GABPA: variants seen among roughly 807,000 people sequenced by gnomAD.
GABPA encodes the protein GA-binding protein alpha chain.
GABPA carries 4 observed loss-of-function variants against 59.4 expected under a neutral mutation model. That is an observed-to-expected ratio of 0.07 (90% confidence interval 0.03 to 0.15). The LOEUF is 0.15. Ranked by LOEUF, GABPA falls within the 10% of genes least tolerant of loss-of-function variation. GABPA has a pLI of 1.00. For missense variants in GABPA, 251 were observed against 543.8 expected (o/e 0.46, Z 5.36); for synonymous variants, 164 against 183.1 (o/e 0.90, Z 0.84).
rs1433842105 is a variant in GABPA at position 25,771,646 on chromosome 21, C to G, written c.*2414C>G. 1 of 147,294 alleles carries G rather than the reference C, an allele frequency of 6.8e-6. No individual in the cohort carries two copies. The highest frequency in any genetic ancestry group is 1.5e-5 in the Non-Finnish European group (1 of 67,778). The allele number at this position is 147,294 out of a possible 1,614,324, so 9.1% of individuals were successfully genotyped here. A position where few individuals can be genotyped will look rare whatever the true frequency, so the allele number is the denominator to read the frequency against. On this transcript the variant is annotated 3_prime_UTR_variant, in exon 10 of 10. Coordinates refer to ENST00000400075, the MANE Select transcript of GABPA (RefSeq NM_002040.4). The stretch of plus-strand genomic sequence containing the variant: ...AAAATAAAATTTATGCTATTCTTTG[C>G]TTTGTTTTTATAAATGAATTTTTCA...
At chr21:25,754,332 A>G (rs572044425) in intron 5 of GABPA, among the ~76,000 whole-genome samples, 10 of 152,270 alleles carry the variant, frequency 6.6e-5, no homozygotes, top group Non-Finnish European at 1.3e-4. Context: ...TGTAGCCTTC[A>G]GTTCTGGATG....
chr21:25,764,469 A>T, intron 8 of GABPA, 119 bp downstream of exon 8: 1 of 1,424,342 alleles, frequency 7.0e-7, no homozygotes, highest in Non-Finnish European at 9.6e-7. Flanking sequence ...TTTAGACAGC[A>T]TTTCTAGAAA....
In GABPA at chr21:25,736,594, GAAGT is replaced by G. The variant is rs576624972; in HGVS notation, c.-27+1019_-27+1022del. The stretch of plus-strand genomic sequence containing the variant: ...TCTGTCATGAGGCATGTATAGTAAT[GAAGT>G]AATTAAATCATGAGCTAGATGTTAG... On this transcript the variant is annotated intron_variant, in intron 1 of 9. Transcript: ENST00000400075. Among the ~76,000 whole-genome samples the G allele has an allele frequency of 2.6e-3, 401 of 152,296 alleles. 1 individual carries two copies. Among genetic ancestry groups the G allele is most frequent in the African/African-American group, 9.0e-3 (375 of 41,558 alleles).
intron 5 of GABPA, among the ~76,000 whole-genome samples, chr21:25,755,527 AG>A (rs1394337796): frequency 3.3e-5 from 5 of 151,698 alleles, no homozygotes; most frequent in Non-Finnish European, 7.4e-5. Context: ...AGTAGAAGAT[AG>A]GGGTGAGCAT....
Position 25,765,907 on chromosome 21 carries a change from TAAGTTTTTCATAG to T in GABPA, c.1136+1123_1136+1135del, listed in dbSNP as rs2035879606. On this transcript the variant is annotated intron_variant, in intron 9 of 9. Transcript: ENST00000400075. ...CTTAGTTTAATTTGAAAAATCAAACTAAGTTTTTCATAGAACTTGAGAAGATAATTGTAAAATT... is the reference window on the plus strand; with the variant it reads ...CTTAGTTTAATTTGAAAAATCAAACTAACTTGAGAAGATAATTGTAAAATT... 2.0e-5 allele frequency among the ~76,000 whole-genome samples: 3 copies of T among 151,996 alleles called. No homozygotes were observed. In the South Asian group the frequency reaches 6.2e-4, roughly 31 times the overall value.
In GABPA at chr21:25,750,423, C is replaced by T. The variant is rs553746589; in HGVS notation, c.307+1303C>T. 4.6e-4 allele frequency among the ~76,000 whole-genome samples: 70 copies of T among 152,262 alleles called. No individual in the cohort carries two copies. The South Asian group carries it at 8.9e-3, about 19-fold the overall frequency. On this transcript the variant is annotated intron_variant, in intron 4 of 9. Coordinates refer to ENST00000400075, the MANE Select transcript of GABPA (RefSeq NM_002040.4). ...ACCAGTGATTCTAAAGCATTGGTCACGCCTGGAACCCTAGCTGCAAAGAAA... is the reference window on the plus strand; with the variant it reads ...ACCAGTGATTCTAAAGCATTGGTCATGCCTGGAACCCTAGCTGCAAAGAAA...
At chr21:25,758,608 G>A (rs191921590) in intron 6 of GABPA, among the ~76,000 whole-genome samples, 5 of 152,200 alleles carry the variant, frequency 3.3e-5, no homozygotes, top group African/African-American at 9.6e-5. Context: ...ATCTAGAAAC[G>A]GAAGAGATCA....
At position 25,755,896 on chromosome 21, in the gene GABPA, T is replaced by C. The variant is rs573439092; in HGVS notation, c.554-2114T>C. On this transcript the variant is annotated intron_variant, in intron 5 of 9. Transcript: ENST00000400075. ...GGGGGTTCTGCAGGCAGGAATTCTC[T>C]CACTTCTTACTGGCATCCTCCTTGG... 2.0e-5 allele frequency among the ~76,000 whole-genome samples: 3 copies of C among 152,324 alleles called. No homozygotes were observed. The South Asian group carries it at 6.2e-4, about 32-fold the overall frequency.
rs866420357 is a variant in GABPA, at chr21:25,764,754, C to T, written c.1103C>T (p.Thr368Met). 6 of 1,602,334 alleles carry T rather than the reference C, an allele frequency of 3.7e-6. No homozygotes were observed. In the African/African-American group the frequency reaches 4.0e-5, roughly 11 times the overall value. The change falls in exon 9 of 10, where the codon ACG (threonine) becomes ATG (methionine). Residue 368 changes from threonine to methionine, a missense_variant. Physicochemically the swap from Thr to Met is moderately conservative, Grantham distance 81. Coordinates refer to ENST00000400075, the MANE Select transcript of GABPA (RefSeq NM_002040.4). ...QKWGQRKNKP[T>M]MNYEKLSRAL... Reference sequence around the variant, plus strand: ...TGGGGACAGCGTAAAAATAAGCCTACGATGAACTATGAGAAACTCAGTCGT... The same window carrying T: ...TGGGGACAGCGTAAAAATAAGCCTATGATGAACTATGAGAAACTCAGTCGT...
intron 5 of GABPA, among the ~76,000 whole-genome samples, chr21:25,753,992 G>A (rs2035574979): frequency 6.6e-6 from 1 of 152,034 alleles, no homozygotes; most frequent in Non-Finnish European, 1.5e-5. Context: ...CTGAAAGAGA[G>A]CTATGGAACC....
intron 9 of GABPA, among the ~76,000 whole-genome samples, chr21:25,765,204 A>C (rs1039495452): frequency 1.3e-5 from 2 of 152,068 alleles, no homozygotes; most frequent in African/African-American, 4.8e-5. Flanking sequence ...ACATTGATAC[A>C]AACTCTCCGT....
At chr21:25,760,237 G>GT (rs781094006) in intron 6 of GABPA, among the ~76,000 whole-genome samples, 2 of 152,200 alleles carry the variant, frequency 1.3e-5, no homozygotes, top group Non-Finnish European at 2.9e-5. Context: ...AGGATGATGT[G>GT]TAAGGGTATT....
chr21:25,768,507 G>A (rs2035944492), intron 9 of GABPA, among the ~76,000 whole-genome samples: 1 of 151,950 alleles, frequency 6.6e-6, no homozygotes, highest in Admixed American at 6.6e-5. Context: ...GCCAGTCATT[G>A]TATACTAAGC....
chr21:25,753,547 G>A (rs2035563939), intron 5 of GABPA, among the ~76,000 whole-genome samples: 2 of 152,182 alleles, frequency 1.3e-5, no homozygotes, highest in Admixed American at 6.5e-5. Flanking sequence ...TGAGGGGAGA[G>A]TTTGGATGGT....
chr21:25,741,552 C>A, intron 1 of GABPA, 21 bp from the exon 2 acceptor site: 1 of 1,333,060 alleles, frequency 7.5e-7, no homozygotes, highest in Non-Finnish European at 1.1e-6. Context: ...TTTAAAATAT[C>A]TTAAAAAGTC....
chr21:25,738,249 G>A (rs1415003923), intron 1 of GABPA, among the ~76,000 whole-genome samples: 1 of 152,146 alleles, frequency 6.6e-6, no homozygotes, highest in African/African-American at 2.4e-5. Context: ...CACACACATG[G>A]TATAAAGTGG....
chr21:25,760,347 T>C (rs1286796717), intron 6 of GABPA, among the ~76,000 whole-genome samples: 2 of 152,200 alleles, frequency 1.3e-5, no homozygotes, highest in African/African-American at 2.4e-5. Flanking sequence ...GAGAGAAGTC[T>C]GCAGCCTATC....
chr21:25,754,153 C>T (rs1333382215), intron 5 of GABPA, among the ~76,000 whole-genome samples: 1 of 152,064 alleles, frequency 6.6e-6, no homozygotes, highest in Non-Finnish European at 1.5e-5. Flanking sequence ...AAAATCTTTT[C>T]TAATTTTTTA....
intron 9 of GABPA, among the ~76,000 whole-genome samples, chr21:25,766,876 A>G (rs1369870783): frequency 6.6e-6 from 1 of 151,972 alleles, no homozygotes; most frequent in Non-Finnish European, 1.5e-5. Flanking sequence ...ACAACCAGAT[A>G]TCTATCAACA....
Sources: gnomAD v4.1 joint callset for allele counts (sites outside exome capture counted in the v4.1 genomes callset) on GRCh38, gnomAD v4.1.1 for gene constraint, MANE v1.5 for transcripts, NCBI Gene and HGNC (gene_info 2026-07-23, HGNC 2026-07-21) for gene names.